The following AFG2A variants were observed in gnomAD, a reference collection of about 807,000 sequenced individuals.
The protein encoded by AFG2A is ATPase family gene 2 protein homolog A.
the AFG2A span, among the ~76,000 whole-genome samples, chr4:123,109,224 A>G: frequency 6.6e-6 from 1 of 152,322 alleles, no homozygotes; most frequent in East Asian, 1.9e-4. Flanking sequence ...ATAGATGATA[A>G]GTTTATCTCT....
At chr4:122,935,927 G>A in the AFG2A span, 1 of 1,396,062 alleles carries the variant, frequency 7.2e-7, no homozygotes, top group Non-Finnish European at 9.6e-7. Context: ...GTAGTATTCT[G>A]TGTGATATTT....
chr4:122,969,699 A>C, the AFG2A span, among the ~76,000 whole-genome samples: 1 of 152,186 alleles, frequency 6.6e-6, no homozygotes, highest in Admixed American at 6.5e-5. Context: ...AATACCTTGT[A>C]ATCCATGAAC....
At chr4:122,987,599 T>C in the AFG2A span, among the ~76,000 whole-genome samples, 1 of 152,150 alleles carries the variant, frequency 6.6e-6, no homozygotes, top group African/African-American at 2.4e-5. Context: ...TGATTTTTCT[T>C]TGTGATTACT....
chr4:123,075,740 C>G, the AFG2A span, among the ~76,000 whole-genome samples: 1 of 150,200 alleles, frequency 6.7e-6, no homozygotes, highest in Non-Finnish European at 1.5e-5. Flanking sequence ...GGTGGATCAC[C>G]TGAGGTCAGG....
chr4:123,068,428 A>C, the AFG2A span, among the ~76,000 whole-genome samples: 3 of 152,328 alleles, frequency 2.0e-5, 1 homozygote, highest in South Asian at 6.2e-4. Context: ...CCTACAACAA[A>C]GAGCAAATTG....
the AFG2A span, among the ~76,000 whole-genome samples, chr4:122,986,536 G>A: frequency 6.6e-6 from 1 of 152,146 alleles, no homozygotes; most frequent in South Asian, 2.1e-4. Flanking sequence ...TGATATGTGG[G>A]AGCTAAGGTA....
At chr4:123,001,549 A>G in the AFG2A span, among the ~76,000 whole-genome samples, 7 of 150,978 alleles carry the variant, frequency 4.6e-5, no homozygotes, top group East Asian at 9.8e-4. Flanking sequence ...TTCTGCCTTC[A>G]TTTCGTTATG....
chr4:123,260,683 T>C, the AFG2A span, among the ~76,000 whole-genome samples: 3 of 152,192 alleles, frequency 2.0e-5, no homozygotes, highest in Non-Finnish European at 4.4e-5. Flanking sequence ...CTGGCATAGA[T>C]TGTTCATCTG....
At chr4:122,940,578 A>G in the AFG2A span, among the ~76,000 whole-genome samples, 5,941 of 151,794 alleles carry the variant, frequency 0.039, 316 homozygotes, top group African/African-American at 0.13. Flanking sequence ...CCCATTCTGT[A>G]GCTTCCCTGT....
At chr4:123,070,733 G>C in the AFG2A span, among the ~76,000 whole-genome samples, 1 of 152,166 alleles carries the variant, frequency 6.6e-6, no homozygotes, top group African/African-American at 2.4e-5. Context: ...CACCAGGCAA[G>C]TATGATCCTT....
the AFG2A span, among the ~76,000 whole-genome samples, chr4:123,298,858 A>T: frequency 2.0e-5 from 3 of 152,234 alleles, no homozygotes; most frequent in Non-Finnish European, 4.4e-5. Context: ...CACAAATATT[A>T]TTAAAATGAG....
the AFG2A span, among the ~76,000 whole-genome samples, chr4:122,986,518 G>A: frequency 6.6e-6 from 1 of 152,156 alleles, no homozygotes; most frequent in African/African-American, 2.4e-5. Context: ...AACATCATAT[G>A]TTCTCACTGA....
At chr4:123,252,448 A>G in the AFG2A span, among the ~76,000 whole-genome samples, 5 of 151,990 alleles carry the variant, frequency 3.3e-5, no homozygotes, top group South Asian at 1.0e-3. Context: ...AGCTTGTTAA[A>G]TAAGTATTCT....
At chr4:123,106,093 C>T in the AFG2A span, among the ~76,000 whole-genome samples, 1 of 152,046 alleles carries the variant, frequency 6.6e-6, no homozygotes, top group African/African-American at 2.4e-5. Flanking sequence ...GCCACAGCCA[C>T]CCCAGCCTGC....
the AFG2A span, among the ~76,000 whole-genome samples, chr4:123,081,029 A>G: frequency 2.0e-5 from 3 of 152,158 alleles, no homozygotes; most frequent in Admixed American, 1.3e-4. Flanking sequence ...CTTCAGAAAC[A>G]CACAACCTCC....
the AFG2A span, among the ~76,000 whole-genome samples, chr4:123,025,825 A>G: frequency 6.6e-6 from 1 of 152,180 alleles, no homozygotes; most frequent in Non-Finnish European, 1.5e-5. Context: ...TATAATACCA[A>G]GAATGTGCTG....
the AFG2A span, chr4:123,056,546 A>T: frequency 1.3e-6 from 1 of 794,756 alleles, no homozygotes; most frequent in Non-Finnish European, 1.8e-6. Flanking sequence ...TTCCGAAGTC[A>T]GATCTTAGTG....
the AFG2A span, among the ~76,000 whole-genome samples, chr4:123,003,715 A>G: frequency 2.7e-5 from 4 of 149,920 alleles, no homozygotes; most frequent in Non-Finnish European, 5.9e-5. Context: ...GTCTGCCCCT[A>G]CTGGGGGGTG....
chr4:123,063,964 T>C, the AFG2A span, among the ~76,000 whole-genome samples: 3 of 152,204 alleles, frequency 2.0e-5, no homozygotes, highest in Admixed American at 6.5e-5. Flanking sequence ...AGCATAGATA[T>C]ACTATTTGCT....
Sources: gnomAD v4.1 joint callset for allele counts (sites outside exome capture counted in the v4.1 genomes callset) on GRCh38, gnomAD v4.1.1 for gene constraint, MANE v1.5 for transcripts, NCBI Gene and HGNC (gene_info 2026-07-23, HGNC 2026-07-21) for gene names.